CASP6: variants seen among roughly 807,000 people sequenced by gnomAD.
CASP6 encodes caspase-6.
Under a neutral mutation model 31.8 loss-of-function variants are expected in CASP6, and 20 were observed. That is an observed-to-expected ratio of 0.63 (90% CI 0.44 to 0.91). The LOEUF is 0.91. Ranked by LOEUF, CASP6 falls within the 40% of genes least tolerant of loss-of-function variation. The pLI, the probability that CASP6 is intolerant of heterozygous loss-of-function variation, is 0.00. For synonymous variants in CASP6, 130 were observed against 127.8 expected, an observed-to-expected ratio of 1.02 and a Z score of -0.12; for missense variants, 328 against 361.1, an observed-to-expected ratio of 0.91 and a Z score of 0.74.
At chr4:109,670,202 G>A in the CASP6 span, among the ~76,000 whole-genome samples, 1 of 152,194 alleles carries the variant, frequency 6.6e-6, no homozygotes, top group Non-Finnish European at 1.5e-5. Flanking sequence ...TGATTAAGGG[G>A]ACTAGGTCTC....
intron 2 of CASP6, 130 bp from the exon 3 acceptor site, chr4:109,697,898 T>C: frequency 1.0e-6 from 1 of 997,338 alleles, no homozygotes; most frequent in Non-Finnish European, 1.5e-6. Flanking sequence ...ATGGGTGTGC[T>C]CCAGGAAAGG....
chr4:109,695,932 TA>T (rs1244285057), intron 4 of CASP6, among the ~76,000 whole-genome samples: 7 of 152,158 alleles, frequency 4.6e-5, no homozygotes, highest in Non-Finnish European at 1.0e-4. Context: ...TATGCAAATA[TA>T]ATGGTTGGCA....
Position 109,691,803 on chromosome 4 carries a change from TAAG to T in CASP6, c.484-797_484-795del, listed in dbSNP as rs1407644152. Among the ~76,000 whole-genome samples the T allele has an allele frequency of 9.2e-5, 14 of 152,222 alleles. No homozygotes were observed. The East Asian group carries it at 2.1e-3, about 23-fold the overall frequency. On this transcript the variant is annotated intron_variant, in intron 5 of 6. Coordinates refer to ENST00000265164, the MANE Select transcript of CASP6 (RefSeq NM_001226.4). ...AAATCCAACATGACTAGTGTCTTCA[TAAG>T]AAGAAATTGGGACACAGACATGCAC...
chr4:109,671,229 T>G, the CASP6 span, among the ~76,000 whole-genome samples: 1 of 152,286 alleles, frequency 6.6e-6, no homozygotes, highest in Non-Finnish European at 1.5e-5. Context: ...TAAAGAGAGC[T>G]TTTTTCATCT....
chr4:109,687,622 C>G, downstream of CASP6: 1 of 1,452,646 alleles, frequency 6.9e-7, no homozygotes, highest in Non-Finnish European at 9.6e-7. Flanking sequence ...GTCAGATTTT[C>G]CATTATGTAT....
At chr4:109,669,087 G>A in the CASP6 span, among the ~76,000 whole-genome samples, 643 of 151,908 alleles carry the variant, frequency 4.2e-3, 7 homozygotes, top group African/African-American at 0.015. Flanking sequence ...TAAAAATAAA[G>A]GTTTTTATTT....
At chr4:109,676,934 C>T in the CASP6 span, among the ~76,000 whole-genome samples, 1 of 152,258 alleles carries the variant, frequency 6.6e-6, no homozygotes, top group South Asian at 2.1e-4. Context: ...CACAGCTGCC[C>T]CTTGAGAATC....
chr4:109,705,822 T>G (rs1395856216), upstream of CASP6, among the ~76,000 whole-genome samples: 8 of 149,338 alleles, frequency 5.4e-5, no homozygotes, highest in Middle Eastern at 3.2e-3. Flanking sequence ...AATTTTTTTT[T>G]TTTTTTAATT....
At chr4:109,668,105 A>G in the CASP6 span, among the ~76,000 whole-genome samples, 1 of 151,962 alleles carries the variant, frequency 6.6e-6, no homozygotes, top group Non-Finnish European at 1.5e-5. Context: ...GAGAATGTGT[A>G]TTGTGCTGTT....
Position 109,690,881 on chromosome 4 carries a change from A to G in CASP6, c.612T>C (p.Ala204=). The change falls in exon 6 of 7, where the codon GCT becomes GCC. Residue 204 remains alanine, a synonymous_variant. Coordinates refer to ENST00000265164, the MANE Select transcript of CASP6 (RefSeq NM_001226.4). ...AASVYTLPAG[A]DFLMCYSVAE... The stretch of plus-strand genomic sequence containing the variant: ...CAACAGAGTAACACATGAGGAAGTC[A>G]GCTCCAGCAGGCAGCGTGTAAACGG... 1 of 1,612,696 alleles carries G rather than the reference A, an allele frequency of 6.2e-7. No homozygotes were observed. The highest frequency in any genetic ancestry group is 8.5e-7 in the Non-Finnish European group (1 of 1,179,418).
chr4:109,700,969 A>G (rs1730404809), intron 1 of CASP6, among the ~76,000 whole-genome samples: 1 of 151,972 alleles, frequency 6.6e-6, no homozygotes, highest in African/African-American at 2.4e-5. Flanking sequence ...TTTTATTACT[A>G]TCTTTTTGGG....
chr4:109,691,043 C>T lies in CASP6; in HGVS notation c.484-34G>A, dbSNP rs201444639. 2.8e-4 allele frequency: 444 copies of T among 1,582,776 alleles called. 11 individuals carry two copies. The Middle Eastern group carries it at 0.015, about 53-fold the overall frequency. ...CAAGGAGGAAAAACCCACCTCTTTG[C>T]CTACTGTTTCCTTCCCAGTGCTTAA... is the stretch of plus-strand genomic sequence containing the variant. On this transcript the variant is annotated intron_variant, in intron 5 of 6. Coordinates refer to ENST00000265164, the MANE Select transcript of CASP6 (RefSeq NM_001226.4).
chr4:109,701,747 G>A (rs1165502013), intron 1 of CASP6, among the ~76,000 whole-genome samples: 1 of 152,092 alleles, frequency 6.6e-6, no homozygotes, highest in South Asian at 2.1e-4. Flanking sequence ...ATTTGTTGAT[G>A]GCCTGATGCC....
chr4:109,682,779 A>G, the CASP6 span: 5 of 1,524,048 alleles, frequency 3.3e-6, no homozygotes, highest in Non-Finnish European at 4.5e-6. Flanking sequence ...TTTGAAAATA[A>G]TACCTAGTGT....
rs1730315492 is a variant in CASP6 at position 109,698,356 on chromosome 4, T to C, written c.41-14A>G. ...TTTCTTCCCCACCTATTAAAAAAAG[T>C]TGATTTTTGTTAATTATTTTTTACT... On this transcript the variant is annotated splice_polypyrimidine_tract_variant and intron_variant, in intron 1 of 6. Coordinates refer to ENST00000265164, the MANE Select transcript of CASP6 (RefSeq NM_001226.4). 6.2e-7 allele frequency: 1 copy of C among 1,607,386 alleles called. No individual in the cohort carries two copies. The highest frequency in any genetic ancestry group is 1.7e-4 in the Middle Eastern group (1 of 6,028).
chr4:109,670,236 C>T, the CASP6 span, among the ~76,000 whole-genome samples: 1 of 151,932 alleles, frequency 6.6e-6, no homozygotes, highest in Admixed American at 6.5e-5. Flanking sequence ...GCCTGTACCC[C>T]TGGACTTAGA....
At chr4:109,708,503 A>G (rs1284104882), upstream of CASP6, among the ~76,000 whole-genome samples, 2 of 152,196 alleles carry the variant, frequency 1.3e-5, no homozygotes, top group Non-Finnish European at 2.9e-5. Context: ...ACTACAATTC[A>G]GGGTTTTCAC....
the CASP6 span, among the ~76,000 whole-genome samples, chr4:109,676,264 T>C: frequency 6.6e-6 from 1 of 152,144 alleles, no homozygotes; most frequent in Non-Finnish European, 1.5e-5. Context: ...GTAGGCTGGG[T>C]GTGGTGACTC....
downstream of CASP6, among the ~76,000 whole-genome samples, chr4:109,686,676 C>A (rs1729845466): frequency 6.6e-6 from 1 of 151,994 alleles, no homozygotes; most frequent in African/African-American, 2.4e-5. Context: ...AAATTGGAGA[C>A]CAGTCTAGTC....
Sources: allele counts gnomAD v4.1 joint callset (sites outside exome capture counted in the v4.1 genomes callset), GRCh38; gene constraint gnomAD v4.1.1; transcripts MANE v1.5; gene names NCBI Gene and HGNC (gene_info 2026-07-23, HGNC 2026-07-21).